MYH13: variants seen among roughly 807,000 people sequenced by gnomAD.
MYH13 encodes the protein myosin-13.
MYH13 carries 177 observed loss-of-function variants against 232.1 expected under a neutral mutation model. The ratio of observed to expected loss-of-function variants is 0.76; its 90% CI spans 0.67 to 0.86. The LOEUF is 0.86. Ranked by LOEUF, MYH13 falls within the 40% of genes least tolerant of loss-of-function variation. The pLI, the probability that MYH13 is intolerant of heterozygous loss-of-function variation, is 0.00. For missense variants in MYH13, 2,246 were observed against 2,405.9 expected (o/e 0.93, Z 1.39); for synonymous variants, 884 against 923.5 (o/e 0.96, Z 0.78).
chr17:10,315,493 G>A lies in MYH13; in HGVS notation c.3984+200C>T, dbSNP rs374956038. On this transcript the variant is annotated intron_variant, in intron 29 of 40. Coordinates refer to ENST00000252172, the MANE Select transcript of MYH13 (RefSeq NM_003802.3). ...GTATTTTTAGTGGAGACGGGGTTTC[G>A]CCATCTTGGCCAGGCTGGTCTTGAA... 1.1e-4 allele frequency among the ~76,000 whole-genome samples: 16 copies of A among 152,070 alleles called. No homozygotes were observed. In the East Asian group the frequency reaches 1.9e-3, roughly 18 times the overall value.
chr17:10,309,654 G>A lies in MYH13; in HGVS notation c.4833C>T (p.Ser1611=), dbSNP rs1223073599. 1.9e-6 allele frequency: 3 copies of A among 1,611,212 alleles called. No homozygotes were observed. Among genetic ancestry groups the A allele is most frequent in the Non-Finnish European group, 2.5e-6 (3 of 1,178,796 alleles). ...LQSVLDAEIR[S]RNDALRLKKK... ...TCTTTAGCCTCAGGGCGTCGTTCCG[G>A]CTGCGGATTTCAGCATCCAGCACGC... The change falls in exon 34 of 41, where the codon AGC becomes AGT. Residue 1611 remains serine, a synonymous_variant. Coordinates refer to ENST00000252172, the MANE Select transcript of MYH13 (RefSeq NM_003802.3).
chr17:10,313,226 C>T lies in MYH13; in HGVS notation c.4113G>A (p.Glu1371=), dbSNP rs895238383. 9 of 1,614,252 alleles carry T rather than the reference C, an allele frequency of 5.6e-6. No homozygotes were observed. Among genetic ancestry groups the T allele is most frequent in the Non-Finnish European group, 7.6e-6 (9 of 1,180,056 alleles). The change falls in exon 30 of 41, where the codon GAG becomes GAA. Residue 1371 remains glutamate (E), a synonymous_variant. Transcript: ENST00000252172. ...LQRALSKANS[E]VAQWRTKYET... ...CGTATTTGGTCCTCCACTGGGCAAC[C>T]TCACTGTTGGCCTTGGACAGCGCCC...
intron 16 of MYH13, among the ~76,000 whole-genome samples, chr17:10,343,088 CAAAAAAAAAA>C (rs71139039): frequency 4.4e-4 from 55 of 125,124 alleles, no homozygotes; most frequent in Admixed American, 2.2e-3. Flanking sequence ...GACTCTGTCT[CAAAAAAAAAA>C]AAAAAAAAAA....
At chr17:10,357,579 G>A (rs1275927038) in intron 8 of MYH13, among the ~76,000 whole-genome samples, 156 bp downstream of exon 8, 1 of 152,144 alleles carries the variant, frequency 6.6e-6, no homozygotes, top group Non-Finnish European at 1.5e-5. Flanking sequence ...TCCTCAAAGT[G>A]TATCACAATA....
chr17:10,315,901 T>G lies in MYH13; in HGVS notation c.3863A>C (p.Asn1288Thr). ...CCCAGAGCCCTGCCCATTCTCACCA[T>G]TTTGGGTCTGCAGTCTTGCTTTCTG... ...NMQKARLQTQ[N>T]GELSHRVEEK... is the part of the protein sequence containing the mutation. The change falls in exon 28 of 41, where the codon AAT becomes ACT. Residue 1288 changes from asparagine (N) to threonine (T), a missense_variant and splice_region_variant. By Grantham distance (65) the Asn-to-Thr change is moderately conservative. Transcript: ENST00000252172. The G allele has an allele frequency of 1.9e-6, 3 of 1,613,960 alleles. No homozygotes were observed. Among genetic ancestry groups the G allele is most frequent in the Non-Finnish European group, 2.5e-6 (3 of 1,179,876 alleles).
At chr17:10,322,693 G>A (rs1189771304) in intron 23 of MYH13, among the ~76,000 whole-genome samples, 7 of 145,754 alleles carry the variant, frequency 4.8e-5, no homozygotes, top group Admixed American at 6.9e-5. Context: ...GAGTGCAGTG[G>A]CGCAGTCTCA....
chr17:10,322,310 A>C (rs973191868), intron 23 of MYH13, among the ~76,000 whole-genome samples: 4 of 152,078 alleles, frequency 2.6e-5, no homozygotes, highest in Admixed American at 6.5e-5. Flanking sequence ...AAACAGGAGA[A>C]TCGCTTGAAA....
At position 10,354,678 on chromosome 17, in the gene MYH13, A is replaced by T. The variant is rs748998546; in HGVS notation, c.1005+2T>A. On this transcript the variant is annotated splice_donor_variant, in intron 11 of 40. Coordinates refer to ENST00000252172, the MANE Select transcript of MYH13 (RefSeq NM_003802.3). LOFTEE classifies it high-confidence loss of function. ...AAACAGACAAATAAATGGCATGCTT[A>T]CATCTGTCGCCAGCAGTTCTTCACT... 1.2e-6 allele frequency: 2 copies of T among 1,610,802 alleles called. No individual in the cohort carries two copies. Among genetic ancestry groups the T allele is most frequent in the Non-Finnish European group, 8.5e-7 (1 of 1,177,300 alleles).
At chr17:10,336,687 A>G (rs4791978) in intron 18 of MYH13, among the ~76,000 whole-genome samples, 117,699 of 152,054 alleles carry the variant, frequency 0.77, 45,941 homozygotes, top group East Asian at 0.9. Flanking sequence ...TCAGGGCCCC[A>G]GGTACCGGCC....
chr17:10,329,632 T>G (rs1212155524), intron 21 of MYH13, among the ~76,000 whole-genome samples: 1 of 152,206 alleles, frequency 6.6e-6, no homozygotes, highest in Non-Finnish European at 1.5e-5. Context: ...AGCCACCTGC[T>G]TGTCGGGCTT....
intron 12 of MYH13, among the ~76,000 whole-genome samples, chr17:10,350,113 G>C (rs1034472674): frequency 4.1e-4 from 62 of 152,142 alleles, no homozygotes; most frequent in African/African-American, 1.3e-3. Flanking sequence ...TTGGTTCAGG[G>C]TCAAGTTCAA....
At chr17:10,356,749 G>A (rs567398942) in intron 8 of MYH13, among the ~76,000 whole-genome samples, 2 of 152,324 alleles carry the variant, frequency 1.3e-5, no homozygotes, top group Admixed American at 6.5e-5. Context: ...CTATTAAGAT[G>A]TGTGAAGTTT....
At chr17:10,367,678 A>G (rs2071847997) in intron 2 of MYH13, among the ~76,000 whole-genome samples, 1 of 152,142 alleles carries the variant, frequency 6.6e-6, no homozygotes, top group Admixed American at 6.6e-5. Context: ...AAATTACCAT[A>G]TTTTCCAAAA....
rs547964382 is a variant in MYH13, at chr17:10,363,273, G to A, written c.205-770C>T. On this transcript the variant is annotated intron_variant, in intron 3 of 40. Coordinates refer to ENST00000252172, the MANE Select transcript of MYH13 (RefSeq NM_003802.3). ...GGAGCTTGCAGTGAGCCGAGATCAC[G>A]CCACTGCACTCCAGCCTGGGCGACA... is the stretch of plus-strand genomic sequence containing the variant. Among the ~76,000 whole-genome samples, 291 of 124,804 alleles carry A rather than the reference G, an allele frequency of 2.3e-3. 2 individuals are homozygous for A. Among genetic ancestry groups the A allele is most frequent in the Admixed American group, 2.9e-3 (28 of 9,518 alleles). 81.9% of individuals were successfully genotyped at this position (124,804 alleles called of 152,430 possible).
intron 25 of MYH13, 40 bp from the exon 26 acceptor site, chr17:10,320,283 A>C (rs533676495): frequency 5.6e-6 from 9 of 1,602,716 alleles, no homozygotes; most frequent in African/African-American, 1.3e-5. Context: ...CATGAAATAC[A>C]AGCCTCTTGG....
Position 10,345,391 on chromosome 17 carries a change from A to G in MYH13, c.1414-19T>C. The G allele has an allele frequency of 1.9e-6, 3 of 1,614,242 alleles. No homozygotes were observed. Among genetic ancestry groups the G allele is most frequent in the Non-Finnish European group, 2.5e-6 (3 of 1,180,052 alleles). On this transcript the variant is annotated intron_variant, in intron 14 of 40. Coordinates refer to ENST00000252172, the MANE Select transcript of MYH13 (RefSeq NM_003802.3). ...TGTTGAACTGGGTGATTCAAATACC[A>G]AAGAATTTGAGTGAGCTTGGAAAAT...
At chr17:10,330,285 AAG>A in intron 21 of MYH13, 100 bp downstream of exon 21, 1 of 1,487,746 alleles carries the variant, frequency 6.7e-7, no homozygotes, top group Non-Finnish European at 9.1e-7. Flanking sequence ...AAATGAAGGA[AAG>A]AGAGCAAGCA....
At position 10,346,812 on chromosome 17, in the gene MYH13, A is replaced by G. The variant is rs2071670188; in HGVS notation, c.1145-14T>C. ...CTTTGTCAGCCACTGAAGGAAGAGA[A>G]AAAAATGGCATCATGCAAAAACAGT... On this transcript the variant is annotated splice_polypyrimidine_tract_variant and intron_variant, in intron 12 of 40. Coordinates refer to ENST00000252172, the MANE Select transcript of MYH13 (RefSeq NM_003802.3). The G allele has an allele frequency of 6.3e-7, 1 of 1,598,954 alleles. No individual in the cohort carries two copies. The highest frequency in any genetic ancestry group is 2.2e-5 in the East Asian group (1 of 44,758).
intron 19 of MYH13, 134 bp downstream of exon 19, chr17:10,332,940 C>T: frequency 2.7e-6 from 2 of 752,418 alleles, no homozygotes; most frequent in Non-Finnish European, 4.4e-6. Flanking sequence ...ATCAGTTCCT[C>T]TAGCAAGAGA....
Sources: allele counts gnomAD v4.1 joint callset (sites outside exome capture counted in the v4.1 genomes callset), GRCh38; gene constraint gnomAD v4.1.1; transcripts MANE v1.5; gene names NCBI Gene and HGNC (gene_info 2026-07-23, HGNC 2026-07-21).